KHDRBS2: variants seen among roughly 807,000 people sequenced by gnomAD.
The protein encoded by KHDRBS2 is KH domain-containing, RNA-binding, signal transduction-associated protein 2.
In KHDRBS2, 26 loss-of-function variants were observed where a neutral mutation model predicts 44.3. The ratio of observed to expected loss-of-function variants is 0.59; its 90% CI spans 0.43 to 0.81. The LOEUF is 0.81. Ranked by LOEUF, KHDRBS2 falls within the 40% of genes least tolerant of loss-of-function variation. KHDRBS2 has a pLI of 0.00. For missense variants in KHDRBS2, 476 were observed against 433.1 expected, an observed-to-expected ratio of 1.10 and a Z score of -0.88; for synonymous variants, 194 against 151.1, an observed-to-expected ratio of 1.28 and a Z score of -2.08.
intron 6 of KHDRBS2, among the ~76,000 whole-genome samples, chr6:61,826,475 C>T (rs1790879727): frequency 6.6e-6 from 1 of 151,982 alleles, no homozygotes; most frequent in East Asian, 1.9e-4. Flanking sequence ...TTAACATTGC[C>T]TCCTGCTTGC....
intron 4 of KHDRBS2, among the ~76,000 whole-genome samples, chr6:61,945,113 G>GTATA (rs61105265): frequency 0.13 from 1,870 of 14,852 alleles, 189 homozygotes; most frequent in African/African-American, 0.21. Flanking sequence ...AAAAAAAAAA[G>GTATA]TATATATATA....
the KHDRBS2 span, among the ~76,000 whole-genome samples, chr6:61,613,147 C>T: frequency 2.6e-5 from 4 of 152,160 alleles, no homozygotes; most frequent in Non-Finnish European, 5.9e-5. Context: ...CCACTGCACC[C>T]AGCCAAAATG....
chr6:61,883,726 C>A (rs543835307), intron 6 of KHDRBS2, among the ~76,000 whole-genome samples: 2 of 151,978 alleles, frequency 1.3e-5, no homozygotes, highest in African/African-American at 4.8e-5. Flanking sequence ...GTATTATGTC[C>A]GTCCTATAGT....
At chr6:62,091,797 G>T (rs1264671234) in intron 2 of KHDRBS2, among the ~76,000 whole-genome samples, 3 of 152,106 alleles carry the variant, frequency 2.0e-5, no homozygotes, top group Non-Finnish European at 4.4e-5. Context: ...ATTACTTAAT[G>T]GAATACTGTT....
intron 6 of KHDRBS2, among the ~76,000 whole-genome samples, chr6:61,843,892 T>A (rs2127274749): frequency 6.6e-6 from 1 of 152,322 alleles, no homozygotes; most frequent in East Asian, 1.9e-4. Flanking sequence ...TATTTGATAT[T>A]TCTCACCTCT....
the KHDRBS2 span, among the ~76,000 whole-genome samples, chr6:61,574,582 C>A: frequency 6.6e-6 from 1 of 151,898 alleles, no homozygotes; most frequent in Non-Finnish European, 1.5e-5. Flanking sequence ...CGAGTTACCA[C>A]GTACAATTGA....
intron 6 of KHDRBS2, among the ~76,000 whole-genome samples, chr6:61,881,076 G>A (rs916975455): frequency 6.6e-6 from 1 of 151,722 alleles, no homozygotes; most frequent in African/African-American, 2.4e-5. Flanking sequence ...AAACCTCGTG[G>A]GTATATGTAC....
intron 1 of KHDRBS2, among the ~76,000 whole-genome samples, chr6:62,253,330 G>A (rs1027541766): frequency 9.9e-5 from 15 of 151,894 alleles, no homozygotes; most frequent in South Asian, 2.1e-4. Context: ...ATCCATATTC[G>A]CACAAAATTA....
the KHDRBS2 span, among the ~76,000 whole-genome samples, chr6:61,575,697 C>G: frequency 7.9e-5 from 12 of 152,190 alleles, no homozygotes; most frequent in African/African-American, 2.2e-4. Context: ...AAATATGGAA[C>G]CAGCCTAAAT....
intron 3 of KHDRBS2, among the ~76,000 whole-genome samples, chr6:61,987,963 AG>A (rs113213031): frequency 0.021 from 3,181 of 152,292 alleles, 113 homozygotes; most frequent in African/African-American, 0.073. Context: ...AGATTCATGA[AG>A]GGCACAGAAA....
At chr6:61,738,682 CAT>C (rs1430859132) in intron 6 of KHDRBS2, among the ~76,000 whole-genome samples, 2 of 151,928 alleles carry the variant, frequency 1.3e-5, no homozygotes, top group South Asian at 2.1e-4. Flanking sequence ...ACCATAAACA[CAT>C]ATGTTTACAA....
intron 1 of KHDRBS2, among the ~76,000 whole-genome samples, chr6:62,237,211 T>C (rs1833847193): frequency 6.6e-6 from 1 of 152,204 alleles, no homozygotes; most frequent in African/African-American, 2.4e-5. Context: ...CTAAAAGTTG[T>C]ATTTCTTTGA....
At chr6:61,848,511 G>GTATATATATACAGA (rs1178845054) in intron 6 of KHDRBS2, among the ~76,000 whole-genome samples, 1 of 30,074 alleles carries the variant, frequency 3.3e-5, no homozygotes, top group Non-Finnish European at 5.9e-5. Flanking sequence ...ATATATATAT[G>GTATATATATACAGA]TATATATGTA....
chr6:61,643,420 C>G, the KHDRBS2 span, among the ~76,000 whole-genome samples: 2 of 152,142 alleles, frequency 1.3e-5, no homozygotes, highest in African/African-American at 4.8e-5. Flanking sequence ...GATGCACTCT[C>G]TCACCACTCC....
intron 3 of KHDRBS2, among the ~76,000 whole-genome samples, chr6:61,996,675 T>A (rs1777224110): frequency 6.6e-6 from 1 of 152,192 alleles, no homozygotes; most frequent in Non-Finnish European, 1.5e-5. Context: ...CAATTGAACT[T>A]TTTACTTTAA....
intron 2 of KHDRBS2, among the ~76,000 whole-genome samples, chr6:62,098,545 C>T (rs1801163599): frequency 6.6e-6 from 1 of 152,060 alleles, no homozygotes; most frequent in African/African-American, 2.4e-5. Flanking sequence ...TAAATATTTG[C>T]TTCTTTTCTC....
rs560662991 is a variant in KHDRBS2 at position 62,151,713 on chromosome 6, T to TACAC, written c.219+25468_219+25471dup. ...AGCACAATAAGAAGAATATGGTATG[T>TACAC]ACACACACACACACACAACTTCAAG... On this transcript the variant is annotated intron_variant, in intron 2 of 8. Transcript: ENST00000281156. Among the ~76,000 whole-genome samples, 7 of 150,838 alleles carry TACAC rather than the reference T, an allele frequency of 4.6e-5. 1 individual carries two copies. In the South Asian group the frequency reaches 1.0e-3, roughly 23 times the overall value.
intron 6 of KHDRBS2, among the ~76,000 whole-genome samples, chr6:61,845,233 C>T (rs929613623): frequency 6.6e-6 from 1 of 151,770 alleles, no homozygotes; most frequent in Non-Finnish European, 1.5e-5. Flanking sequence ...AAGTATTTAC[C>T]CATTTTGCCA....
chr6:61,986,516 C>T (rs1343587675), intron 3 of KHDRBS2, among the ~76,000 whole-genome samples: 2 of 152,096 alleles, frequency 1.3e-5, no homozygotes, highest in East Asian at 1.9e-4. Flanking sequence ...GAAATGTATA[C>T]TTGAAAATTA....
Sources: gnomAD v4.1 joint callset for allele counts (sites outside exome capture counted in the v4.1 genomes callset) on GRCh38, gnomAD v4.1.1 for gene constraint, MANE v1.5 for transcripts, NCBI Gene and HGNC (gene_info 2026-07-23, HGNC 2026-07-21) for gene names.